The following BCL2L11 variants were observed in gnomAD, a reference collection of about 807,000 sequenced individuals.
The protein encoded by BCL2L11 is BCL2 like 11, also known as bcl-2-like protein 11.
BCL2L11 carries 15 observed loss-of-function variants against 20.6 expected under a neutral mutation model. The ratio of observed to expected loss-of-function variants is 0.73; its 90% CI spans 0.49 to 1.12. The LOEUF is 1.12. Among genes scored for constraint, BCL2L11 ranks in the 50% most tolerant of loss-of-function variants. BCL2L11 has a pLI of 0.00. For missense variants in BCL2L11, 292 were observed against 260.9 expected (o/e 1.12, Z -0.82); for synonymous variants, 108 against 92.8 (o/e 1.16, Z -0.94).
In BCL2L11 at chr2:111,157,639, T is replaced by G. The variant is rs568540582; in HGVS notation, c.499-6494T>G. 6.6e-5 allele frequency among the ~76,000 whole-genome samples: 10 copies of G among 152,300 alleles called. No individual in the cohort carries two copies. In the East Asian group the frequency reaches 1.7e-3, roughly 26 times the overall value. On this transcript the variant is annotated intron_variant, in intron 3 of 3. Coordinates refer to ENST00000393256, the MANE Select transcript of BCL2L11 (RefSeq NM_138621.5). ...TCTGACAGGCTAGAGACCTACCAAG[T>G]GGAGGGCTGTGCTGTGCTGCCTGAA...
intron 2 of BCL2L11, among the ~76,000 whole-genome samples, chr2:111,147,513 T>C (rs970933786): frequency 9.2e-5 from 14 of 152,244 alleles, no homozygotes; most frequent in Non-Finnish European, 2.9e-5. Flanking sequence ...GTTTATTTGC[T>C]TCTGCCAAAG....
At chr2:111,142,561 T>C (rs1199482506) in intron 2 of BCL2L11, among the ~76,000 whole-genome samples, 1 of 152,258 alleles carries the variant, frequency 6.6e-6, no homozygotes, top group Non-Finnish European at 1.5e-5. Context: ...GTTTTAACCG[T>C]ATACATTATA....
chr2:111,149,552 AG>A (rs1210556087), intron 2 of BCL2L11, among the ~76,000 whole-genome samples: 5 of 152,180 alleles, frequency 3.3e-5, no homozygotes, highest in African/African-American at 1.2e-4. Context: ...CAGGTTTCTC[AG>A]GGTTTCGCTT....
chr2:111,157,053 C>G (rs2077952726), intron 3 of BCL2L11, among the ~76,000 whole-genome samples: 1 of 152,158 alleles, frequency 6.6e-6, no homozygotes, highest in South Asian at 2.1e-4. Context: ...GGCTGAGGCA[C>G]TGGTGTGTGT....
At position 111,165,471 on chromosome 2, in the gene BCL2L11, C is replaced by T. The variant is rs146204948; in HGVS notation, c.*1240C>T. On this transcript the variant is annotated 3_prime_UTR_variant, in exon 4 of 4. Transcript: ENST00000393256. The stretch of plus-strand genomic sequence containing the variant: ...TTTGAAACAGGCCTCATCCCACTTC[C>T]ACCAGCACCATAGAAGAATAATTCT... 2.6e-5 allele frequency: 4 copies of T among 152,410 alleles called. No homozygotes were observed. The highest frequency in any genetic ancestry group is 1.9e-4 in the East Asian group (1 of 5,196). 9.4% of individuals were successfully genotyped at this position (152,410 alleles called of 1,614,324 possible).
chr2:111,154,025 G>A, intron 3 of BCL2L11: 1 of 1,122,762 alleles, frequency 8.9e-7, no homozygotes, highest in Non-Finnish European at 1.2e-6. Context: ...CTACTCCAGT[G>A]GATTTTGGTA....
At chr2:111,130,555 A>G (rs577303125) in intron 2 of BCL2L11, among the ~76,000 whole-genome samples, 316 of 152,334 alleles carry the variant, frequency 2.1e-3, no homozygotes, top group Non-Finnish European at 3.6e-3. Context: ...GTGATCTGCA[A>G]ATAGGGACAG....
At chr2:111,151,253 A>G (rs2077223818) in intron 3 of BCL2L11, among the ~76,000 whole-genome samples, 2 of 152,216 alleles carry the variant, frequency 1.3e-5, no homozygotes, top group South Asian at 2.1e-4. Flanking sequence ...AGTTAGTACC[A>G]TTGGGAACAC....
rs191873082 is a variant in BCL2L11 at position 111,150,156 on chromosome 2, G to T, written c.498+9G>T. On this transcript the variant is annotated intron_variant, in intron 3 of 3. Transcript: ENST00000393256. The stretch of plus-strand genomic sequence containing the variant: ...CTTACTATGCAAGGAGGGTAATGAT[G>T]TTTTCTTTACCCGCTTTTCTGCTCA... The T allele has an allele frequency of 6.2e-7, 1 of 1,612,758 alleles. No individual in the cohort carries two copies. Among genetic ancestry groups the T allele is most frequent in the East Asian group, 2.2e-5 (1 of 44,842 alleles).
At chr2:111,152,132 C>T (rs1042100007) in intron 3 of BCL2L11, among the ~76,000 whole-genome samples, 7 of 152,172 alleles carry the variant, frequency 4.6e-5, no homozygotes, top group Admixed American at 4.6e-4. Flanking sequence ...AGTCCCGATT[C>T]TGGTATTGTG....
At chr2:111,144,270 A>T (rs2150432298) in intron 2 of BCL2L11, among the ~76,000 whole-genome samples, 1 of 152,312 alleles carries the variant, frequency 6.6e-6, no homozygotes, top group Middle Eastern at 3.4e-3. Context: ...TATTTCTCAT[A>T]GCTTTTGTTT....
chr2:111,139,658 C>T (rs2150389953), intron 2 of BCL2L11, among the ~76,000 whole-genome samples: 1 of 152,266 alleles, frequency 6.6e-6, no homozygotes, highest in Admixed American at 6.5e-5. Flanking sequence ...CCTTTTTTCA[C>T]ACACTATGAG....
intron 2 of BCL2L11, among the ~76,000 whole-genome samples, chr2:111,139,707 C>T (rs899317628): frequency 6.6e-6 from 1 of 152,154 alleles, no homozygotes; most frequent in African/African-American, 2.4e-5. Context: ...AACATGTACC[C>T]GGTTTAACCC....
At chr2:111,131,302 C>G (rs1472475632) in intron 2 of BCL2L11, 1 of 150,802 alleles carries the variant, frequency 6.6e-6, no homozygotes, top group Non-Finnish European at 1.5e-5. Context: ...TAGGATTGTT[C>G]AGGTTGTCTG....
chr2:111,122,085 G>C (rs902830917), intron 1 of BCL2L11, among the ~76,000 whole-genome samples: 9 of 152,218 alleles, frequency 5.9e-5, no homozygotes, highest in Non-Finnish European at 8.8e-5. Context: ...TCGCGGACGT[G>C]CGCGTCCGCG....
intron 2 of BCL2L11, among the ~76,000 whole-genome samples, chr2:111,147,346 T>TCTCTCTCTCTCTCTCACA (rs760779894): frequency 1.7e-4 from 23 of 137,412 alleles, no homozygotes; most frequent in Non-Finnish European, 3.1e-4. Flanking sequence ...TCTCTCTCTC[T>TCTCTCTCTCTCTCTCACA]CACACACACA....
intron 2 of BCL2L11, among the ~76,000 whole-genome samples, chr2:111,140,640 CTGT>C (rs1444344133): frequency 6.6e-6 from 1 of 152,118 alleles, no homozygotes; most frequent in East Asian, 1.9e-4. Context: ...GTTGATTTGT[CTGT>C]TATTTGGTCC....
chr2:111,164,397 TG>T lies in BCL2L11; in HGVS notation c.*167del. The T allele has an allele frequency of 1.7e-6, 1 of 579,842 alleles. No individual in the cohort carries two copies. The highest frequency in any genetic ancestry group is 3.1e-6 in the Non-Finnish European group (1 of 318,964). 35.9% of individuals were successfully genotyped at this position (579,842 alleles called of 1,614,324 possible). A position where few individuals can be genotyped will look rare whatever the true frequency, so the allele number is the denominator to read the frequency against. On this transcript the variant is annotated 3_prime_UTR_variant, in exon 4 of 4. Transcript: ENST00000393256. ...ACCGAGCTGGATGGGACTACCTTTCTGTTCATCACCACACAGCAGAATTTCT... is the reference window on the plus strand; with the variant it reads ...ACCGAGCTGGATGGGACTACCTTTCTTTCATCACCACACAGCAGAATTTCT...
At chr2:111,126,159 C>T (rs2072554079) in intron 2 of BCL2L11, among the ~76,000 whole-genome samples, 1 of 152,120 alleles carries the variant, frequency 6.6e-6, no homozygotes, top group Non-Finnish European at 1.5e-5. Flanking sequence ...TTTCTCCTTC[C>T]CTGGAACTGG....
Sources: allele counts gnomAD v4.1 joint callset (sites outside exome capture counted in the v4.1 genomes callset), GRCh38; gene constraint gnomAD v4.1.1; transcripts MANE v1.5; gene names NCBI Gene and HGNC (gene_info 2026-07-23, HGNC 2026-07-21).